Variants in ALDH1A2 observed in about 807,000 individuals in gnomAD.
ALDH1A2 encodes retinal dehydrogenase 2.
A neutral mutation model predicts 60.3 loss-of-function variants in ALDH1A2; 27 were observed. That is an observed-to-expected ratio of 0.45 (90% CI 0.33 to 0.62). The LOEUF (loss-of-function observed/expected upper bound fraction) is 0.62. Ranked by LOEUF, ALDH1A2 falls within the 20% of genes least tolerant of loss-of-function variation. The probability of loss-of-function intolerance (pLI) is 0.02; values close to 1 mark genes in which losing one functional copy is unlikely to be tolerated. For missense variants in ALDH1A2, 581 were observed against 643.8 expected, an observed-to-expected ratio of 0.90 and a Z score of 1.06; for synonymous variants, 289 against 232.4, an observed-to-expected ratio of 1.24 and a Z score of -2.21.
At chr15:58,013,696 G>C (rs1895702089) in intron 3 of ALDH1A2, among the ~76,000 whole-genome samples, 162 bp downstream of exon 3, 1 of 152,090 alleles carries the variant, frequency 6.6e-6, no homozygotes, top group African/African-American at 2.4e-5. Flanking sequence ...AGGTTGCAGT[G>C]AGCTGAAATC....
chr15:58,065,120 C>A, intron 1 of ALDH1A2: 1 of 287,796 alleles, frequency 3.5e-6, no homozygotes, highest in South Asian at 3.0e-5. Flanking sequence ...GCCGAGGGGC[C>A]CGGAAGGCGG....
intron 12 of ALDH1A2, among the ~76,000 whole-genome samples, chr15:57,955,795 C>T (rs2140441571): frequency 6.6e-6 from 1 of 152,306 alleles, no homozygotes; most frequent in Admixed American, 6.5e-5. Flanking sequence ...TCTAAGTGTT[C>T]CTGTCCTTCT....
intron 1 of ALDH1A2, among the ~76,000 whole-genome samples, chr15:58,051,339 T>A (rs1323063088): frequency 1.3e-5 from 2 of 150,586 alleles, no homozygotes; most frequent in African/African-American, 4.9e-5. Flanking sequence ...TTTTTGTACA[T>A]CTTAAACTTA....
rs1385970338 is a variant in ALDH1A2 at position 57,994,358 on chromosome 15, T to C, written c.555+720A>G. On this transcript the variant is annotated intron_variant, in intron 5 of 12. Coordinates refer to ENST00000249750, the MANE Select transcript of ALDH1A2 (RefSeq NM_003888.4). Reference sequence around the variant, plus strand: ...CAAAGATTATCTTGAGTTATACTACTGTACTTTGAAAAAAGAAAACTTCTT... The same window carrying C: ...CAAAGATTATCTTGAGTTATACTACCGTACTTTGAAAAAAGAAAACTTCTT... Among the ~76,000 whole-genome samples the C allele has an allele frequency of 2.6e-5, 4 of 152,330 alleles. No individual in the cohort carries two copies. The South Asian group carries it at 8.3e-4, about 32-fold the overall frequency.
In ALDH1A2 at chr15:58,015,136, G is replaced by A. The variant is rs34062592; in HGVS notation, c.118-855C>T. ...GACCATGTAATCTTAGAGGACATAC[G>A]AAGATGTTTTACTCTATAAAATTTA... On this transcript the variant is annotated intron_variant, in intron 1 of 12. Coordinates refer to ENST00000249750, the MANE Select transcript of ALDH1A2 (RefSeq NM_003888.4). 5.0e-3 allele frequency among the ~76,000 whole-genome samples: 757 copies of A among 152,290 alleles called. 10 individuals carry two copies. The highest frequency in any genetic ancestry group is 0.017 in the African/African-American group (717 of 41,560).
intron 4 of ALDH1A2, among the ~76,000 whole-genome samples, chr15:57,996,393 C>G (rs1163022058): frequency 6.6e-6 from 1 of 151,626 alleles, no homozygotes; most frequent in African/African-American, 2.4e-5. Flanking sequence ...TATCTGTTTC[C>G]TCTTTTCAAG....
intron 1 of ALDH1A2, among the ~76,000 whole-genome samples, chr15:58,031,395 C>T (rs1469289914): frequency 6.6e-6 from 1 of 152,088 alleles, no homozygotes; most frequent in Non-Finnish European, 1.5e-5. Context: ...AATGTTAGAC[C>T]TAAAACCGTC....
chr15:58,061,387 C>T (rs1897029142), intron 1 of ALDH1A2, among the ~76,000 whole-genome samples: 1 of 151,734 alleles, frequency 6.6e-6, no homozygotes, highest in Non-Finnish European at 1.5e-5. Flanking sequence ...CCACACCTAT[C>T]TTTTAAGAAA....
Position 57,954,065 on chromosome 15 carries a change from G to A in ALDH1A2, c.*1132C>T, listed in dbSNP as rs370078773. 10 of 152,542 alleles carry A rather than the reference G, an allele frequency of 6.6e-5. No individual in the cohort carries two copies. The highest frequency in any genetic ancestry group is 3.8e-4 in the East Asian group (2 of 5,314). The allele number at this position is 152,542 out of a possible 1,614,324, so 9.4% of individuals were successfully genotyped here. A position where few individuals can be genotyped will look rare whatever the true frequency, so the allele number is the denominator to read the frequency against. On this transcript the variant is annotated 3_prime_UTR_variant, in exon 13 of 13. Coordinates refer to ENST00000249750, the MANE Select transcript of ALDH1A2 (RefSeq NM_003888.4). ...GTGACAGAGGAGCTCAGTGGAGCAC[G>A]GCAGTCCTGGCACAATGGAACTTGG...
chr15:58,049,483 T>C (rs1042436951), intron 1 of ALDH1A2, among the ~76,000 whole-genome samples: 1 of 152,094 alleles, frequency 6.6e-6, no homozygotes, highest in African/African-American at 2.4e-5. Context: ...ATTCTGAATA[T>C]AAGCAATCAA....
chr15:57,982,367 A>G (rs192918486), intron 7 of ALDH1A2, among the ~76,000 whole-genome samples: 1 of 152,348 alleles, frequency 6.6e-6, no homozygotes, highest in African/African-American at 2.4e-5. Flanking sequence ...TTCCTTTAGT[A>G]TGATTTGAAG....
chr15:58,030,013 G>A (rs1211470302), intron 1 of ALDH1A2, among the ~76,000 whole-genome samples: 1 of 152,164 alleles, frequency 6.6e-6, no homozygotes, highest in Non-Finnish European at 1.5e-5. Context: ...AATAGAAAAA[G>A]AGGGAATCCT....
In ALDH1A2 at chr15:57,964,036, A is replaced by C. The variant is rs1166767785; in HGVS notation, c.935T>G (p.Val312Gly). Reference sequence around the variant, plus strand: ...GCAGCACTGACCTTGATTGAAGAACACACCCTGGTGGGCCTGCTCCACAGC... The same window carrying C: ...GCAGCACTGACCTTGATTGAAGAACCCACCCTGGTGGGCCTGCTCCACAGC... ...DYAVEQAHQG[V>G]FFNQGQCCTA... is the part of the protein sequence containing the mutation. The change falls in exon 9 of 13, where the codon GTG becomes GGG. Residue 312 changes from valine to glycine, a missense_variant. Physicochemically the swap from Val to Gly is moderately radical, Grantham distance 109. Around this residue, in one of 2 missense-constraint regions of ALDH1A2, gnomAD observed 375 missense variants for 469.7 expected, o/e 0.80. Transcript: ENST00000249750. 1.2e-6 allele frequency: 2 copies of C among 1,613,998 alleles called. No individual in the cohort carries two copies. Among genetic ancestry groups the C allele is most frequent in the Non-Finnish European group, 1.7e-6 (2 of 1,180,016 alleles).
At chr15:58,062,692 TA>T (rs4646556) in intron 1 of ALDH1A2, among the ~76,000 whole-genome samples, 71,826 of 151,938 alleles carry the variant, frequency 0.47, 17,390 homozygotes, top group Non-Finnish European at 0.53. Flanking sequence ...TAACACCATC[TA>T]GTTTTAAAAA....
At chr15:58,007,126 A>T (rs1259348774) in intron 4 of ALDH1A2, among the ~76,000 whole-genome samples, 1 of 151,944 alleles carries the variant, frequency 6.6e-6, no homozygotes, top group Non-Finnish European at 1.5e-5. Flanking sequence ...AATATATATT[A>T]AACAAAGAAT....
chr15:58,058,889 T>C (rs1896958389), intron 1 of ALDH1A2, among the ~76,000 whole-genome samples: 2 of 152,092 alleles, frequency 1.3e-5, no homozygotes, highest in African/African-American at 4.8e-5. Context: ...TCTACAGAGG[T>C]CAATTAATCC....
intron 1 of ALDH1A2, among the ~76,000 whole-genome samples, chr15:58,020,275 G>A (rs1895891127): frequency 6.6e-6 from 1 of 152,150 alleles, no homozygotes; most frequent in Non-Finnish European, 1.5e-5. Flanking sequence ...GTGCTGCAAT[G>A]AACATACGTG....
At chr15:57,990,040 C>G (rs2140487677) in intron 7 of ALDH1A2, among the ~76,000 whole-genome samples, 1 of 149,736 alleles carries the variant, frequency 6.7e-6, no homozygotes, top group African/African-American at 2.5e-5. Flanking sequence ...AATCCAGAAG[C>G]TGTCAGAAAA....
chr15:58,032,437 A>G (rs1398727034), intron 1 of ALDH1A2, among the ~76,000 whole-genome samples: 1 of 152,142 alleles, frequency 6.6e-6, no homozygotes, highest in Non-Finnish European at 1.5e-5. Flanking sequence ...GCACACCAAC[A>G]TGGCACATGT....
Sources: allele counts gnomAD v4.1 joint callset (sites outside exome capture counted in the v4.1 genomes callset), GRCh38; gene constraint gnomAD v4.1.1; regional missense constraint gnomAD v4.1.1; transcripts MANE v1.5; gene names NCBI Gene and HGNC (gene_info 2026-07-23, HGNC 2026-07-21).